SWAP70: variants seen among roughly 807,000 people sequenced by gnomAD.
SWAP70 encodes the protein switch-associated protein 70.
A neutral mutation model predicts 80.2 loss-of-function variants in SWAP70; 34 were observed. The observed-to-expected ratio is 0.42, with a 90% CI of 0.32 to 0.56. The LOEUF is 0.56. SWAP70 is among the 20% of genes least tolerant of loss of function. SWAP70 has a pLI of 0.09. For missense variants in SWAP70, 578 were observed against 690.7 expected (o/e 0.84, Z 1.83); for synonymous variants, 239 against 238.5 (o/e 1.00, Z -0.02).
rs568526935 is a variant in SWAP70, at chr11:9,672,296, A to G, written c.99+8018A>G. Among the ~76,000 whole-genome samples the G allele has an allele frequency of 1.7e-4, 24 of 143,022 alleles. No individual in the cohort carries two copies. The East Asian group carries it at 3.8e-3, about 23-fold the overall frequency. 93.8% of individuals were successfully genotyped at this position (143,022 alleles called of 152,430 possible). A position where few individuals can be genotyped will look rare whatever the true frequency, so the allele number is the denominator to read the frequency against. On this transcript the variant is annotated intron_variant, in intron 1 of 11. Coordinates refer to ENST00000318950, the MANE Select transcript of SWAP70 (RefSeq NM_015055.4). ...TAAACTTCATATTTCTTCTCTAAAG[A>G]TAAATTATGAAAAGCTTGGAATATT...
intron 9 of SWAP70, among the ~76,000 whole-genome samples, chr11:9,742,993 C>T (rs2133817786): frequency 6.7e-6 from 1 of 150,186 alleles, no homozygotes; most frequent in Middle Eastern, 3.4e-3. Flanking sequence ...TGGTGTGCTA[C>T]ACCCATTAAC....
chr11:9,701,614 C>G (rs571765128), intron 2 of SWAP70, among the ~76,000 whole-genome samples: 1 of 102,186 alleles, frequency 9.8e-6, no homozygotes, highest in Non-Finnish European at 2.3e-5. Context: ...AAGACCTTGT[C>G]TGTTAAAAAA....
chr11:9,665,504 C>T (rs2134408890), intron 1 of SWAP70, among the ~76,000 whole-genome samples: 1 of 152,324 alleles, frequency 6.6e-6, no homozygotes, highest in African/African-American at 2.4e-5. Flanking sequence ...ATGGCTTCCT[C>T]AGTTCCATCA....
At chr11:9,675,293 AAAAG>A (rs895611064) in intron 1 of SWAP70, among the ~76,000 whole-genome samples, 3 of 149,152 alleles carry the variant, frequency 2.0e-5, no homozygotes, top group African/African-American at 7.4e-5. Context: ...TATCCAAAGA[AAAAG>A]AAAGAAAGAA....
chr11:9,675,340 AGG>A (rs1565111615), intron 1 of SWAP70, among the ~76,000 whole-genome samples: 492 of 62,370 alleles, frequency 7.9e-3, no homozygotes, highest in South Asian at 0.015. Flanking sequence ...AGAGAGAGAG[AGG>A]GAGCGAGAGA....
chr11:9,749,049 C>A, intron 10 of SWAP70, 38 bp from the exon 11 acceptor site: 1 of 1,376,702 alleles, frequency 7.3e-7, no homozygotes, highest in South Asian at 1.2e-5. Context: ...TTAAACTACC[C>A]GTGTGTCTGC....
intron 1 of SWAP70, among the ~76,000 whole-genome samples, chr11:9,689,864 C>T (rs1397628822): frequency 6.6e-6 from 1 of 152,100 alleles, no homozygotes; most frequent in Non-Finnish European, 1.5e-5. Flanking sequence ...TCTGTTGGGC[C>T]CTGTGGAGCT....
At chr11:9,727,815 A>T (rs530155352) in intron 4 of SWAP70, among the ~76,000 whole-genome samples, 1 of 152,268 alleles carries the variant, frequency 6.6e-6, no homozygotes, top group Admixed American at 6.5e-5. Context: ...TCTGCATATC[A>T]CTTTGGGGAG....
intron 3 of SWAP70, chr11:9,720,632 A>G (rs1017958858): frequency 2.2e-4 from 74 of 332,072 alleles, no homozygotes; most frequent in Middle Eastern, 1.5e-3. Context: ...TAAAACTTCG[A>G]CTTGTGCCTG....
At chr11:9,730,202 A>G (rs537654942) in intron 6 of SWAP70, among the ~76,000 whole-genome samples, 2 of 152,278 alleles carry the variant, frequency 1.3e-5, no homozygotes, top group African/African-American at 2.4e-5. Flanking sequence ...ATAAATAAGA[A>G]CATGTAGGCC....
At chr11:9,739,573 T>C (rs1851408937) in intron 8 of SWAP70, among the ~76,000 whole-genome samples, 2 of 152,224 alleles carry the variant, frequency 1.3e-5, no homozygotes, top group South Asian at 4.1e-4. Flanking sequence ...AGGATGTTCT[T>C]GTCTTGTAAT....
intron 3 of SWAP70, chr11:9,720,207 A>G (rs1851117287): frequency 1.0e-6 from 1 of 985,386 alleles, no homozygotes. Flanking sequence ...TTTGGTTATG[A>G]TACGTATATG....
chr11:9,704,777 A>G (rs537083183), intron 2 of SWAP70, among the ~76,000 whole-genome samples: 1 of 152,232 alleles, frequency 6.6e-6, no homozygotes, highest in Non-Finnish European at 1.5e-5. Flanking sequence ...CTCCTTAGAG[A>G]CTACGTATGT....
At chr11:9,673,066 C>T (rs1420736466) in intron 1 of SWAP70, among the ~76,000 whole-genome samples, 1 of 152,120 alleles carries the variant, frequency 6.6e-6, no homozygotes, top group Admixed American at 6.5e-5. Context: ...AGCTGGGTAT[C>T]CTCCAGTTCA....
At chr11:9,692,722 G>A (rs929612572) in intron 1 of SWAP70, among the ~76,000 whole-genome samples, 1 of 151,904 alleles carries the variant, frequency 6.6e-6, no homozygotes, top group Admixed American at 6.6e-5. Context: ...TTAGTATATA[G>A]GATTTACTAG....
At chr11:9,675,417 G>A (rs868107811) in intron 1 of SWAP70, among the ~76,000 whole-genome samples, 125 of 144,076 alleles carry the variant, frequency 8.7e-4, no homozygotes, top group Middle Eastern at 3.7e-3. Context: ...GAGAGAGAGA[G>A]AGAGGAGGGA....
At chr11:9,720,118 T>C in intron 3 of SWAP70, 1 of 985,342 alleles carries the variant, frequency 1.0e-6, no homozygotes, top group Non-Finnish European at 1.2e-6. Flanking sequence ...ATTTATTATT[T>C]AGTATAATTG....
intron 2 of SWAP70, among the ~76,000 whole-genome samples, chr11:9,705,295 CTGGTGATCTGTGTATACT>C (rs1850889509): frequency 1.5e-5 from 2 of 131,874 alleles, no homozygotes; most frequent in African/African-American, 3.6e-5. Context: ...TATGTATACA[CTGGTGATCTGTGTATACT>C]TGGTGATCTG....
At chr11:9,739,595 G>T (rs567966596) in intron 8 of SWAP70, among the ~76,000 whole-genome samples, 2 of 152,256 alleles carry the variant, frequency 1.3e-5, no homozygotes, top group African/African-American at 4.8e-5. Context: ...TTTAAGGCAG[G>T]GATTCAAAAC....
Sources: gnomAD v4.1 joint callset for allele counts (sites outside exome capture counted in the v4.1 genomes callset) on GRCh38, gnomAD v4.1.1 for gene constraint, MANE v1.5 for transcripts, NCBI Gene and HGNC (gene_info 2026-07-23, HGNC 2026-07-21) for gene names.